FOXP2: variants seen among roughly 807,000 people sequenced by gnomAD.
The protein encoded by FOXP2 is forkhead box P2.
Under a neutral mutation model 115.8 loss-of-function variants are expected in FOXP2, and 12 were observed. The observed-to-expected ratio is 0.10, with a 90% CI of 0.07 to 0.17. FOXP2 has a LOEUF of 0.17. Ranked by LOEUF, FOXP2 falls within the 10% of genes least tolerant of loss-of-function variation. The pLI is 1.00. For synonymous variants in FOXP2, 328 were observed against 297.7 expected, an observed-to-expected ratio of 1.10 and a Z score of -1.05; for missense variants, 629 against 843.5, an observed-to-expected ratio of 0.75 and a Z score of 3.15.
chr7:114,236,850 A>G (rs900767889), intron 1 of FOXP2, among the ~76,000 whole-genome samples: 1 of 151,970 alleles, frequency 6.6e-6, no homozygotes, highest in Non-Finnish European at 1.5e-5. Flanking sequence ...GGTGGTGGAC[A>G]CCTGTAATCC....
rs1156747057 is a variant in FOXP2 at position 114,536,731 on chromosome 7, G to A, written c.258+2025G>A. ...ATATTAATCTGAATTTATCTCCATT[G>A]TTTAGACTGTAAAACTAGCATTTCA... On this transcript the variant is annotated intron_variant, in intron 3 of 16. Transcript: ENST00000350908. 4.0e-5 allele frequency among the ~76,000 whole-genome samples: 6 copies of A among 151,264 alleles called. No homozygotes were observed. In the Admixed American group the frequency reaches 4.0e-4, roughly 10 times the overall value.
chr7:114,317,655 T>G (rs533184944), intron 2 of FOXP2, among the ~76,000 whole-genome samples: 1 of 152,290 alleles, frequency 6.6e-6, no homozygotes, highest in African/African-American at 2.4e-5. Flanking sequence ...TTAAAGAGAT[T>G]CTTTTAAAAT....
chr7:114,262,389 A>T (rs1795778073), intron 1 of FOXP2, among the ~76,000 whole-genome samples: 1 of 152,102 alleles, frequency 6.6e-6, no homozygotes, highest in Non-Finnish European at 1.5e-5. Flanking sequence ...ACATCATTGC[A>T]CTCCAGCCTA....
intron 2 of FOXP2, among the ~76,000 whole-genome samples, chr7:114,302,547 A>C (rs1025020174): frequency 1.3e-5 from 2 of 152,152 alleles, no homozygotes; most frequent in African/African-American, 2.4e-5. Flanking sequence ...ATTTAAACTT[A>C]AGCAGTTTGG....
chr7:114,122,143 TTGGCA>T (rs1227716781), intron 1 of FOXP2, among the ~76,000 whole-genome samples: 1 of 151,042 alleles, frequency 6.6e-6, no homozygotes, highest in Non-Finnish European at 1.5e-5. Flanking sequence ...ACTATTTTTC[TTGGCA>T]TAAAACACTT....
intron 1 of FOXP2, among the ~76,000 whole-genome samples, chr7:114,128,301 G>A (rs934864203): frequency 1.3e-5 from 2 of 152,088 alleles, no homozygotes; most frequent in African/African-American, 4.8e-5. Context: ...ATAATCATCT[G>A]TGCTTGATCA....
At chr7:114,213,088 T>C (rs917392696) in intron 1 of FOXP2, among the ~76,000 whole-genome samples, 4 of 152,228 alleles carry the variant, frequency 2.6e-5, no homozygotes, top group African/African-American at 9.6e-5. Context: ...TCAGGAATTT[T>C]AGATTTCTCT....
At chr7:114,558,087 G>A (rs1401688834) in intron 3 of FOXP2, among the ~76,000 whole-genome samples, 3 of 152,116 alleles carry the variant, frequency 2.0e-5, no homozygotes, top group Non-Finnish European at 2.9e-5. Flanking sequence ...GATTACAGGC[G>A]TGAGGCACTG....
intron 2 of FOXP2, among the ~76,000 whole-genome samples, chr7:114,302,991 G>A (rs1359673296): frequency 6.6e-6 from 1 of 152,078 alleles, no homozygotes; most frequent in Non-Finnish European, 1.5e-5. Flanking sequence ...ACACAGCCTG[G>A]TTTATACCTT....
chr7:114,122,641 A>G (rs1791597044), intron 1 of FOXP2, among the ~76,000 whole-genome samples: 1 of 151,988 alleles, frequency 6.6e-6, no homozygotes, highest in African/African-American at 2.4e-5. Flanking sequence ...GGTATTGCAC[A>G]TGAAAGAGAA....
chr7:114,609,082 G>A (rs920305330), intron 3 of FOXP2, among the ~76,000 whole-genome samples: 3 of 151,768 alleles, frequency 2.0e-5, no homozygotes, highest in Admixed American at 1.3e-4. Context: ...GTGTGGTGGC[G>A]GGCATCTGTA....
intron 2 of FOXP2, among the ~76,000 whole-genome samples, chr7:114,401,345 T>A (rs1792882711): frequency 6.6e-6 from 1 of 152,232 alleles, no homozygotes; most frequent in Non-Finnish European, 1.5e-5. Context: ...AAGTTTGCAC[T>A]GAAACTTTTG....
chr7:114,669,060 T>A (rs189360462), intron 16 of FOXP2: 313 of 152,170 alleles, frequency 2.1e-3, no homozygotes, highest in African/African-American at 6.5e-3. Flanking sequence ...TTTTTAGTTT[T>A]AATTATTTAA....
At chr7:114,443,428 T>A (rs1794695192) in intron 2 of FOXP2, among the ~76,000 whole-genome samples, 1 of 152,200 alleles carries the variant, frequency 6.6e-6, no homozygotes, top group East Asian at 1.9e-4. Flanking sequence ...AGTTTTTTTT[T>A]AAAGTTTTAT....
chr7:114,657,118 GC>G (rs1180391689), intron 10 of FOXP2, among the ~76,000 whole-genome samples: 1 of 152,046 alleles, frequency 6.6e-6, no homozygotes, highest in Non-Finnish European at 1.5e-5. Context: ...TTTATGTGCT[GC>G]CCTGCGTAAA....
intron 2 of FOXP2, among the ~76,000 whole-genome samples, chr7:114,505,868 A>G (rs538950113): frequency 3.8e-4 from 57 of 151,794 alleles, no homozygotes; most frequent in African/African-American, 1.4e-3. Context: ...GACCTGCTGT[A>G]TATTTCTATG....
At chr7:114,491,840 G>A (rs1490260005) in intron 2 of FOXP2, among the ~76,000 whole-genome samples, 3 of 152,010 alleles carry the variant, frequency 2.0e-5, no homozygotes, top group Non-Finnish European at 2.9e-5. Flanking sequence ...TTTTTGCATC[G>A]ATGTTCATCA....
At chr7:114,140,857 T>A (rs116170650) in intron 1 of FOXP2, among the ~76,000 whole-genome samples, 3,200 of 152,320 alleles carry the variant, frequency 0.021, 54 homozygotes, top group African/African-American at 0.051. Context: ...CTGTGACTTG[T>A]CAGCCTCAGC....
chr7:114,089,662 A>C (rs566190230), intron 1 of FOXP2, among the ~76,000 whole-genome samples: 1 of 152,138 alleles, frequency 6.6e-6, no homozygotes, highest in South Asian at 2.1e-4. Context: ...GCTTAAAAAA[A>C]AAATAAGATA....
Sources: allele counts gnomAD v4.1 joint callset (sites outside exome capture counted in the v4.1 genomes callset), GRCh38; gene constraint gnomAD v4.1.1; transcripts MANE v1.5; gene names NCBI Gene and HGNC (gene_info 2026-07-23, HGNC 2026-07-21).